The following CA10 variants were observed in gnomAD, a reference collection of about 807,000 sequenced individuals.
The protein encoded by CA10 is carbonic anhydrase 10 (inactive).
A neutral mutation model predicts 44.2 loss-of-function variants in CA10; 14 were observed. The observed-to-expected ratio is 0.32, with a 90% CI of 0.21 to 0.50. The LOEUF (loss-of-function observed/expected upper bound fraction) is 0.50, where lower values mean the gene tolerates loss of function less well. Ranked by LOEUF, CA10 falls within the 20% of genes least tolerant of loss-of-function variation. The pLI, the probability that CA10 is intolerant of heterozygous loss-of-function variation, is 0.99. For missense variants in CA10, 350 were observed against 409.7 expected (o/e 0.85, Z 1.26); for synonymous variants, 159 against 141.6 (o/e 1.12, Z -0.87).
intron 1 of CA10, among the ~76,000 whole-genome samples, chr17:52,104,646 C>T (rs1567734676): frequency 6.6e-6 from 1 of 152,198 alleles, no homozygotes; most frequent in South Asian, 2.1e-4. Flanking sequence ...TTCTCCTCCT[C>T]TCTTGGTGCC....
chr17:52,090,906 C>T (rs370938196), intron 1 of CA10, among the ~76,000 whole-genome samples: 12 of 152,266 alleles, frequency 7.9e-5, no homozygotes, highest in African/African-American at 2.2e-4. Context: ...GGGAAGTTAC[C>T]ATGAACCAAG....
intron 2 of CA10, among the ~76,000 whole-genome samples, chr17:52,053,413 CAAAAG>C (rs1567716919): frequency 6.6e-6 from 1 of 151,920 alleles, no homozygotes; most frequent in Non-Finnish European, 1.5e-5. Flanking sequence ...ACATAAAAAA[CAAAAG>C]AAAACTTTTA....
At chr17:52,134,945 T>A in intron 1 of CA10, 1 of 519,092 alleles carries the variant, frequency 1.9e-6, no homozygotes, top group Middle Eastern at 3.2e-4. Flanking sequence ...GAACGGCTCC[T>A]GATGCTGGCC....
chr17:51,656,648 G>A (rs1913803529), intron 4 of CA10, among the ~76,000 whole-genome samples: 2 of 152,232 alleles, frequency 1.3e-5, no homozygotes, highest in Non-Finnish European at 2.9e-5. Context: ...CCCCCAGTCA[G>A]ATGTTAATAA....
At chr17:51,935,740 A>G (rs958653649) in intron 2 of CA10, among the ~76,000 whole-genome samples, 4 of 152,180 alleles carry the variant, frequency 2.6e-5, no homozygotes, top group African/African-American at 9.6e-5. Flanking sequence ...AGCCTTGGCA[A>G]ACCCAAAGCA....
chr17:52,039,568 C>A (rs1447079832), intron 2 of CA10, among the ~76,000 whole-genome samples: 1 of 151,980 alleles, frequency 6.6e-6, no homozygotes, highest in Non-Finnish European at 1.5e-5. Context: ...TTTAAATTAC[C>A]TTTAGTTCCA....
chr17:51,845,246 G>A (rs924451871), intron 3 of CA10, among the ~76,000 whole-genome samples: 2 of 152,210 alleles, frequency 1.3e-5, no homozygotes, highest in African/African-American at 4.8e-5. Context: ...TAGAACATCA[G>A]CACAGGAGAT....
In CA10 at chr17:51,991,775, C is replaced by G. The variant is rs182113365; in HGVS notation, c.137-60643G>C. ...AGTGAGCCGAGATCACGCCACTGCA[C>G]TCCAGACTGGGCAACAAGAGCGAAA... is the stretch of plus-strand genomic sequence containing the variant. On this transcript the variant is annotated intron_variant, in intron 2 of 8. Coordinates refer to ENST00000451037, the MANE Select transcript of CA10 (RefSeq NM_020178.5). Among the ~76,000 whole-genome samples, 464 of 152,308 alleles carry G rather than the reference C, an allele frequency of 3.0e-3. 1 individual carries two copies. Among genetic ancestry groups the G allele is most frequent in the African/African-American group, 0.011 (443 of 41,574 alleles).
chr17:51,856,078 G>C lies in CA10; in HGVS notation c.279+74912C>G, dbSNP rs139755021. On this transcript the variant is annotated intron_variant, in intron 3 of 8. Transcript: ENST00000451037. ...AATGTGCAAGCCTTAAGCTGAAGAG[G>C]GTATTAGGAAAGTGAACTTTCTAAT... Among the ~76,000 whole-genome samples, 19 of 152,206 alleles carry C rather than the reference G, an allele frequency of 1.2e-4. No homozygotes were observed. The East Asian group carries it at 3.7e-3, about 29-fold the overall frequency.
At chr17:51,676,651 A>G (rs572410427) in intron 4 of CA10, among the ~76,000 whole-genome samples, 3 of 152,324 alleles carry the variant, frequency 2.0e-5, no homozygotes, top group Admixed American at 6.5e-5. Flanking sequence ...AGTGAGCGTC[A>G]GATACTGCTT....
At chr17:52,097,045 T>A (rs1206518801) in intron 1 of CA10, among the ~76,000 whole-genome samples, 15 of 152,190 alleles carry the variant, frequency 9.9e-5, no homozygotes, top group Admixed American at 9.2e-4. Flanking sequence ...TTTTTAGCTA[T>A]TTTAAATTAT....
chr17:51,934,900 C>T (rs933563901), intron 2 of CA10, among the ~76,000 whole-genome samples: 1 of 152,068 alleles, frequency 6.6e-6, no homozygotes, highest in Non-Finnish European at 1.5e-5. Context: ...GTGGTGTAAT[C>T]TAGATTCTAG....
intron 1 of CA10, among the ~76,000 whole-genome samples, chr17:52,081,836 T>C (rs1358691767): frequency 1.4e-5 from 2 of 147,486 alleles, no homozygotes. Context: ...AGATGAAGCA[T>C]GGATAAGACT....
chr17:51,849,835 A>G (rs1237304370), intron 3 of CA10, among the ~76,000 whole-genome samples: 2 of 152,192 alleles, frequency 1.3e-5, no homozygotes, highest in Non-Finnish European at 2.9e-5. Flanking sequence ...GGCTGTGACC[A>G]CACCAAGAAT....
chr17:51,951,430 AC>A (rs1477394708), intron 2 of CA10, among the ~76,000 whole-genome samples: 2 of 152,220 alleles, frequency 1.3e-5, no homozygotes, highest in Non-Finnish European at 2.9e-5. Context: ...CGGCTCAGTT[AC>A]TTAATTTGCA....
chr17:52,035,654 A>G (rs889451079), intron 2 of CA10, among the ~76,000 whole-genome samples: 7 of 152,168 alleles, frequency 4.6e-5, no homozygotes, highest in Non-Finnish European at 8.8e-5. Flanking sequence ...CAGGGGTCAC[A>G]GGCACCCCTA....
intron 4 of CA10, among the ~76,000 whole-genome samples, chr17:51,701,465 A>C (rs905402866): frequency 6.6e-6 from 1 of 151,682 alleles, no homozygotes; most frequent in African/African-American, 2.4e-5. Flanking sequence ...AGTTCAACCC[A>C]TAACACTCTC....
chr17:51,828,281 T>A (rs1908105529), intron 3 of CA10, among the ~76,000 whole-genome samples: 1 of 152,098 alleles, frequency 6.6e-6, no homozygotes, highest in Non-Finnish European at 1.5e-5. Flanking sequence ...ACTCAGAACA[T>A]CTATCTGCAC....
chr17:52,077,386 C>T lies in CA10; in HGVS notation c.62-4993G>A, dbSNP rs144338200. 8.1e-3 allele frequency among the ~76,000 whole-genome samples: 1,232 copies of T among 152,148 alleles called. 12 individuals are homozygous for T. Among genetic ancestry groups the T allele is most frequent in the South Asian group, 0.024 (114 of 4,820 alleles). On this transcript the variant is annotated intron_variant, in intron 1 of 8. Coordinates refer to ENST00000451037, the MANE Select transcript of CA10 (RefSeq NM_020178.5). ...GTCAGCAAATTTTTTCCATAAAGGG[C>T]GACATAATACATGTTTTAGGCTTTG...
Sources: allele counts gnomAD v4.1 joint callset (sites outside exome capture counted in the v4.1 genomes callset), GRCh38; gene constraint gnomAD v4.1.1; transcripts MANE v1.5; gene names NCBI Gene and HGNC (gene_info 2026-07-23, HGNC 2026-07-21).